The following C19orf47 variants were observed in gnomAD, a reference collection of about 807,000 sequenced individuals.
C19orf47 encodes the protein uncharacterized protein C19orf47.
Under a neutral mutation model 32.3 loss-of-function variants are expected in C19orf47, and 18 were observed. That is an observed-to-expected ratio of 0.56 (90% CI 0.39 to 0.83). The LOEUF is 0.83. Ranked by LOEUF, C19orf47 falls within the 40% of genes least tolerant of loss-of-function variation. C19orf47 has a pLI of 0.00. For missense variants in C19orf47, 484 were observed against 531.6 expected (o/e 0.91, Z 0.88); for synonymous variants, 202 against 211.1 (o/e 0.96, Z 0.37).
At position 40,320,047 on chromosome 19, in the gene C19orf47, A is replaced by G. The variant is rs2077695208; in HGVS notation, c.*1835T>C. On this transcript the variant is annotated 3_prime_UTR_variant, in exon 9 of 9. Transcript: ENST00000683109. ...CCGGTCTAACATCTAGGCGGGCCCTATGATTCTCATCTTCTCTAGCCCCAA... is the reference window on the plus strand; with the variant it reads ...CCGGTCTAACATCTAGGCGGGCCCTGTGATTCTCATCTTCTCTAGCCCCAA... The G allele has an allele frequency of 6.5e-6, 1 of 154,038 alleles. No homozygotes were observed. The highest frequency in any genetic ancestry group is 2.4e-5 in the African/African-American group (1 of 41,370). 9.5% of individuals were successfully genotyped at this position (154,038 alleles called of 1,614,324 possible). A position where few individuals can be genotyped will look rare whatever the true frequency, so the allele number is the denominator to read the frequency against.
Position 40,323,995 on chromosome 19 carries a change from T to A in C19orf47, c.663+11A>T, listed in dbSNP as rs1173710513. 1 of 1,613,972 alleles carries A rather than the reference T, an allele frequency of 6.2e-7. No homozygotes were observed. Among genetic ancestry groups the A allele is most frequent in the Non-Finnish European group, 8.5e-7 (1 of 1,180,000 alleles). ...TCGCACGCCCAGAATCGCTCCCCCA[T>A]CCCCACTCACTTTACTCCCTGTCGT... is the stretch of plus-strand genomic sequence containing the variant. On this transcript the variant is annotated intron_variant, in intron 8 of 8. Transcript: ENST00000683109.
rs1600160364 is a variant in C19orf47 at position 40,320,763 on chromosome 19, T to C, written c.*1119A>G. 1 of 152,742 alleles carries C rather than the reference T, an allele frequency of 6.5e-6. No individual in the cohort carries two copies. Among genetic ancestry groups the C allele is most frequent in the Non-Finnish European group, 1.5e-5 (1 of 68,194 alleles). The allele number at this position is 152,742 out of a possible 1,614,324, so 9.5% of individuals were successfully genotyped here. ...GGGCGACCAAACCAGTGGAAACTCA[T>C]GGTCTCACAAACGGAGCCCATCATT... is the stretch of plus-strand genomic sequence containing the variant. On this transcript the variant is annotated 3_prime_UTR_variant, in exon 9 of 9. Coordinates refer to ENST00000683109, the MANE Select transcript of C19orf47 (RefSeq NM_001256441.2).
chr19:40,304,683 T>C, the C19orf47 span, among the ~76,000 whole-genome samples: 1 of 152,162 alleles, frequency 6.6e-6, no homozygotes, highest in Non-Finnish European at 1.5e-5. Context: ...TCTCATATAT[T>C]GTGGGGCTCC....
chr19:40,341,131 G>A (rs982625618), intron 2 of C19orf47, among the ~76,000 whole-genome samples: 6 of 151,920 alleles, frequency 3.9e-5, no homozygotes, highest in Middle Eastern at 3.4e-3. Flanking sequence ...GTCAGGAGTT[G>A]GAGACCAGCC....
the C19orf47 span, among the ~76,000 whole-genome samples, chr19:40,312,270 G>A: frequency 1.4e-4 from 21 of 152,080 alleles, no homozygotes; most frequent in Non-Finnish European, 2.4e-4. Flanking sequence ...ATACAGGGCT[G>A]GGCATGGTGG....
the C19orf47 span, among the ~76,000 whole-genome samples, chr19:40,303,803 GAAAA>G: frequency 4.4e-5 from 2 of 45,336 alleles, no homozygotes; most frequent in Non-Finnish European, 7.6e-5. Context: ...GACTTTGTCT[GAAAA>G]AAAAAAAAAA....
chr19:40,341,897 G>C lies in C19orf47; in HGVS notation c.-33-7C>G, dbSNP rs1179734560. 1 of 1,536,236 alleles carries C rather than the reference G, an allele frequency of 6.5e-7. No individual in the cohort carries two copies. Among genetic ancestry groups the C allele is most frequent in the South Asian group, 1.2e-5 (1 of 84,066 alleles). On this transcript the variant is annotated splice_polypyrimidine_tract_variant and splice_region_variant and intron_variant, in intron 1 of 8. Coordinates refer to ENST00000683109, the MANE Select transcript of C19orf47 (RefSeq NM_001256441.2). The stretch of plus-strand genomic sequence containing the variant: ...TGACACTGCTCCCTGGAGCCTGAAA[G>C]AGAAGAGAGGAGAGAGCCCATGAGC...
chr19:40,333,107 A>C (rs571536541), intron 5 of C19orf47, among the ~76,000 whole-genome samples: 1 of 151,712 alleles, frequency 6.6e-6, no homozygotes, highest in African/African-American at 2.4e-5. Context: ...AAAATACAAA[A>C]ATTAGCCGGG....
chr19:40,322,507 T>G, intron 8 of C19orf47, 131 bp from the exon 9 acceptor site: 1 of 1,174,568 alleles, frequency 8.5e-7, no homozygotes, highest in Non-Finnish European at 1.2e-6. Flanking sequence ...ACACCCCAGA[T>G]AGTGGCGAGA....
At chr19:40,341,811 G>A (rs1159313909) in intron 2 of C19orf47, 28 bp downstream of exon 2, 12 of 1,535,952 alleles carry the variant, frequency 7.8e-6, no homozygotes, top group African/African-American at 4.1e-5. Context: ...GGGGAGAGGG[G>A]GCCCTGGAGA....
intron 6 of C19orf47, among the ~76,000 whole-genome samples, chr19:40,327,222 C>T (rs2077851066): frequency 6.6e-6 from 1 of 151,706 alleles, no homozygotes; most frequent in South Asian, 2.1e-4. Context: ...CCATGTTGGT[C>T]AGGCTGCTCT....
At chr19:40,339,522 C>G (rs1216245289) in intron 2 of C19orf47, among the ~76,000 whole-genome samples, 1 of 152,098 alleles carries the variant, frequency 6.6e-6, no homozygotes, top group African/African-American at 2.4e-5. Flanking sequence ...AAATACTATA[C>G]AGCAGTGAAA....
chr19:40,342,496 T>G (rs1487348961), intron 1 of C19orf47: 6 of 152,890 alleles, frequency 3.9e-5, no homozygotes, highest in African/African-American at 1.4e-4. Flanking sequence ...ACCTACTATG[T>G]GTAAGGCACT....
the C19orf47 span, among the ~76,000 whole-genome samples, chr19:40,307,391 G>A: frequency 1.3e-5 from 2 of 151,956 alleles, no homozygotes; most frequent in African/African-American, 2.4e-5. Context: ...CACCATACCC[G>A]AGCAGGTGTG....
At chr19:40,324,103 A>C (rs368410723) in intron 7 of C19orf47, 27 bp from the exon 8 acceptor site, 395 of 1,613,610 alleles carry the variant, frequency 2.4e-4, no homozygotes, top group Non-Finnish European at 3.2e-4. Context: ...GCCATCAGGG[A>C]GAGGCCCCGG....
the C19orf47 span, among the ~76,000 whole-genome samples, chr19:40,302,422 T>G: frequency 6.6e-6 from 1 of 152,162 alleles, no homozygotes; most frequent in African/African-American, 2.4e-5. Flanking sequence ...TGCACGAACA[T>G]GTCTAATTTT....
downstream of C19orf47, among the ~76,000 whole-genome samples, chr19:40,316,208 T>C (rs2145492416): frequency 6.6e-6 from 1 of 152,268 alleles, no homozygotes; most frequent in East Asian, 1.9e-4. Flanking sequence ...GCTTGGGCAC[T>C]GGAGAAAGGG....
the C19orf47 span, among the ~76,000 whole-genome samples, chr19:40,309,278 A>G: frequency 1.3e-5 from 2 of 149,110 alleles, no homozygotes; most frequent in African/African-American, 5.0e-5. Context: ...TACAACCTCC[A>G]ACTCCCAGGT....
At chr19:40,323,951 G>A (rs1250641199) in intron 8 of C19orf47, 55 bp downstream of exon 8, 16 of 1,598,946 alleles carry the variant, frequency 1.0e-5, no homozygotes, top group Admixed American at 1.0e-4. Context: ...CAGGAGCACC[G>A]CTCAGGGAAG....
Sources: allele counts gnomAD v4.1 joint callset (sites outside exome capture counted in the v4.1 genomes callset), GRCh38; gene constraint gnomAD v4.1.1; transcripts MANE v1.5; gene names NCBI Gene and HGNC (gene_info 2026-07-23, HGNC 2026-07-21).